The following PSAP variants were observed in gnomAD, a reference collection of about 807,000 sequenced individuals.
PSAP encodes precursor of saposins.
PSAP carries 25 observed loss-of-function variants against 66.0 expected under a neutral mutation model. The ratio of observed to expected loss-of-function variants is 0.38; its 90% CI spans 0.28 to 0.53. The LOEUF is 0.53. Ranked by LOEUF, PSAP falls within the 20% of genes least tolerant of loss-of-function variation. The pLI, the probability that PSAP is intolerant of heterozygous loss-of-function variation, is 0.83. For synonymous variants in PSAP, 273 were observed against 258.9 expected (o/e 1.05, Z -0.52); for missense variants, 649 against 668.8 (o/e 0.97, Z 0.33).
At chr10:71,845,166 C>T (rs1004627701) in intron 1 of PSAP, among the ~76,000 whole-genome samples, 7 of 152,170 alleles carry the variant, frequency 4.6e-5, no homozygotes, top group Non-Finnish European at 8.8e-5. Flanking sequence ...GGTCTTGGAA[C>T]ATAACCCCCA....
intron 1 of PSAP, among the ~76,000 whole-genome samples, chr10:71,834,997 G>A (rs1385102394): frequency 6.6e-6 from 1 of 152,096 alleles, no homozygotes; most frequent in African/African-American, 2.4e-5. Flanking sequence ...AGCACTTTGG[G>A]AGGCCAAGGT....
intron 9 of PSAP, 146 bp from the exon 10 acceptor site, chr10:71,820,046 C>A (rs915262275): frequency 4.3e-6 from 4 of 921,654 alleles, no homozygotes; most frequent in Non-Finnish European, 5.2e-6. Context: ...CAAAGCAGGG[C>A]AATGGTGTCC....
chr10:71,820,365 CA>C, intron 8 of PSAP, 30 bp from the exon 9 acceptor site: 2 of 1,576,272 alleles, frequency 1.3e-6, no homozygotes, highest in African/African-American at 2.7e-5. Context: ...AGAGTACTTT[CA>C]ATGCTGGGAC....
At chr10:71,818,875 G>A (rs1002939609) in intron 12 of PSAP, 151 bp from the exon 13 acceptor site, 2 of 1,016,640 alleles carry the variant, frequency 2.0e-6, no homozygotes, top group Non-Finnish European at 3.0e-6. Flanking sequence ...GGAAAGCGAT[G>A]GGGCTTGGGG....
At chr10:71,823,793 G>A in intron 7 of PSAP, 1 of 891,274 alleles carries the variant, frequency 1.1e-6, no homozygotes, top group Middle Eastern at 2.6e-4. Context: ...CCTTGTATCT[G>A]TCAGAGCTAA....
rs770034353 is a variant in PSAP, at chr10:71,817,523, C to T, written c.1540-47G>A. On this transcript the variant is annotated intron_variant, in intron 13 of 13. Transcript: ENST00000394936. ...AGTTTAGTCTTCGGATGAAAAACTC[C>T]GTTCCCGGCCCATCAATGTATCAGA... 8.2e-6 allele frequency: 13 copies of T among 1,582,942 alleles called. No individual in the cohort carries two copies. In the East Asian group the frequency reaches 1.1e-4, roughly 14 times the overall value.
At chr10:71,846,176 C>T (rs190913083) in intron 1 of PSAP, among the ~76,000 whole-genome samples, 31 of 152,180 alleles carry the variant, frequency 2.0e-4, no homozygotes, top group African/African-American at 6.7e-4. Context: ...TGAGTAATGC[C>T]ACTTTACAAA....
chr10:71,840,463 T>C (rs7916568), intron 1 of PSAP, among the ~76,000 whole-genome samples: 5,132 of 152,338 alleles, frequency 0.034, 287 homozygotes, highest in African/African-American at 0.12. Flanking sequence ...ATATCTTCTA[T>C]GGCAAAGAGC....
At chr10:71,836,522 T>C (rs1372826894) in intron 1 of PSAP, among the ~76,000 whole-genome samples, 1 of 152,060 alleles carries the variant, frequency 6.6e-6, no homozygotes, top group African/African-American at 2.4e-5. Context: ...CATGATACAC[T>C]GCCTAGCCCT....
intron 1 of PSAP, among the ~76,000 whole-genome samples, chr10:71,839,563 T>C (rs562146935): frequency 2.6e-5 from 4 of 152,172 alleles, no homozygotes; most frequent in South Asian, 4.1e-4. Flanking sequence ...TTTAAAGACA[T>C]AGATTTCAGG....
At chr10:71,831,485 A>T (rs1842515409) in intron 3 of PSAP, among the ~76,000 whole-genome samples, 1 of 152,220 alleles carries the variant, frequency 6.6e-6, no homozygotes, top group Admixed American at 6.5e-5. Context: ...AGGCACAGGG[A>T]ATTCTAAGCA....
At chr10:71,824,594 T>G (rs879811509) in intron 7 of PSAP, among the ~76,000 whole-genome samples, 7 of 152,232 alleles carry the variant, frequency 4.6e-5, no homozygotes, top group Admixed American at 1.3e-4. Context: ...TTATGTAAAT[T>G]CTCTTCTATG....
chr10:71,844,281 C>T (rs924358583), intron 1 of PSAP, among the ~76,000 whole-genome samples: 1 of 152,208 alleles, frequency 6.6e-6, no homozygotes, highest in African/African-American at 2.4e-5. Context: ...AAATGTTTTC[C>T]ATGTACACAA....
intron 1 of PSAP, among the ~76,000 whole-genome samples, chr10:71,840,849 C>G (rs1271598886): frequency 6.6e-6 from 1 of 152,176 alleles, no homozygotes; most frequent in Non-Finnish European, 1.5e-5. Context: ...GCAGTAATGA[C>G]TGAGGCTGGG....
intron 1 of PSAP, among the ~76,000 whole-genome samples, chr10:71,844,576 G>A (rs758632587): frequency 2.0e-5 from 3 of 152,152 alleles, no homozygotes; most frequent in African/African-American, 2.4e-5. Context: ...TGAGACAGGA[G>A]AATCACTTGA....
intron 4 of PSAP, among the ~76,000 whole-genome samples, chr10:71,830,744 T>C (rs1036831945): frequency 6.6e-6 from 1 of 152,242 alleles, no homozygotes; most frequent in Non-Finnish European, 1.5e-5. Context: ...AAGACCCCAA[T>C]ACATTCCCTG....
chr10:71,816,354 C>G lies in PSAP; in HGVS notation c.*1087G>C, dbSNP rs762213633. ...AGAAACTTTAGTGCAAAACAAAAAT[C>G]ACGAAGTCCATTTAATAGCAACTTC... is the stretch of plus-strand genomic sequence containing the variant. On this transcript the variant is annotated 3_prime_UTR_variant, in exon 14 of 14. Transcript: ENST00000394936. 4.3e-6 allele frequency: 2 copies of G among 465,240 alleles called. No homozygotes were observed. The highest frequency in any genetic ancestry group is 4.7e-5 in the Admixed American group (2 of 42,430). The allele number at this position is 465,240 out of a possible 1,614,324, so 28.8% of individuals were successfully genotyped here. A position where few individuals can be genotyped will look rare whatever the true frequency, so the allele number is the denominator to read the frequency against.
chr10:71,826,665 C>T (rs1209075436), intron 6 of PSAP, among the ~76,000 whole-genome samples: 1 of 151,212 alleles, frequency 6.6e-6, no homozygotes, highest in Admixed American at 6.6e-5. Flanking sequence ...TGTTTGAGCC[C>T]AGGAGGTAAA....
rs370977178 is a variant in PSAP at position 71,831,165 on chromosome 10, G to A, written c.336C>T (p.Ser112=). 2,038 of 1,614,138 alleles carry A rather than the reference G, an allele frequency of 1.3e-3. 32 individuals are homozygous for A. The South Asian group carries it at 0.021, about 16-fold the overall frequency. The part of the protein sequence containing the change: ...MSASCKEIVD[S]YLPVILDIIK... ...TGATGTCCAGGATGACAGGGAGGTA[G>A]GAGTCCACTATCTCCTTGCATGAAG... Residue 112 remains serine (S), a synonymous_variant, in exon 4 of 14, where the codon TCC becomes TCT. Coordinates refer to ENST00000394936, the MANE Select transcript of PSAP (RefSeq NM_002778.4).
Sources: gnomAD v4.1 joint callset for allele counts (sites outside exome capture counted in the v4.1 genomes callset) on GRCh38, gnomAD v4.1.1 for gene constraint, MANE v1.5 for transcripts, NCBI Gene and HGNC (gene_info 2026-07-23, HGNC 2026-07-21) for gene names.